The following CADM2 variants were observed in gnomAD, a reference collection of about 807,000 sequenced individuals.
The protein encoded by CADM2 is immunoglobulin superfamily member 4D.
Under a neutral mutation model 49.8 loss-of-function variants are expected in CADM2, and 12 were observed. That is an observed-to-expected ratio of 0.24 (90% CI 0.15 to 0.39). CADM2 has a LOEUF of 0.39. Ranked by LOEUF, CADM2 falls within the 10% of genes least tolerant of loss-of-function variation. CADM2 has a pLI of 1.00. For synonymous variants in CADM2, 214 were observed against 175.4 expected, an observed-to-expected ratio of 1.22 and a Z score of -1.74; for missense variants, 378 against 492.3, an observed-to-expected ratio of 0.77 and a Z score of 2.20.
intron 1 of CADM2, among the ~76,000 whole-genome samples, chr3:85,451,348 C>T (rs899554249): frequency 6.6e-6 from 1 of 152,026 alleles, no homozygotes; most frequent in Non-Finnish European, 1.5e-5. Flanking sequence ...TTACTTATCA[C>T]ATTAATAATA....
chr3:85,316,549 G>A (rs2044468719), intron 1 of CADM2, among the ~76,000 whole-genome samples: 1 of 152,026 alleles, frequency 6.6e-6, no homozygotes, highest in African/African-American at 2.4e-5. Context: ...AATAGGTTTT[G>A]CCTTTTGTTG....
chr3:85,280,132 C>T (rs1210645367), intron 1 of CADM2, among the ~76,000 whole-genome samples: 1 of 151,630 alleles, frequency 6.6e-6, no homozygotes, highest in Non-Finnish European at 1.5e-5. Flanking sequence ...AAGCTGATAA[C>T]AACTTAACTT....
intron 1 of CADM2, among the ~76,000 whole-genome samples, chr3:85,029,350 A>G (rs1195552629): frequency 6.6e-6 from 1 of 152,100 alleles, no homozygotes; most frequent in Non-Finnish European, 1.5e-5. Context: ...TAAGTGTGAA[A>G]AAATGGTCTT....
chr3:85,311,025 A>C (rs898633076), intron 1 of CADM2, among the ~76,000 whole-genome samples: 1 of 152,222 alleles, frequency 6.6e-6, no homozygotes, highest in Non-Finnish European at 1.5e-5. Context: ...GCCAGACATC[A>C]GGCAGAGCTG....
intron 1 of CADM2, among the ~76,000 whole-genome samples, chr3:85,249,229 A>G (rs1676633822): frequency 6.6e-6 from 1 of 152,092 alleles, no homozygotes; most frequent in Admixed American, 6.6e-5. Flanking sequence ...TGTGACTTGT[A>G]TTTAGACCAG....
intron 2 of CADM2, among the ~76,000 whole-genome samples, chr3:85,782,498 A>G (rs571210729): frequency 3.9e-5 from 6 of 151,930 alleles, no homozygotes; most frequent in Admixed American, 3.9e-4. Context: ...AACACAGTGA[A>G]ACCCCATCTC....
intron 1 of CADM2, among the ~76,000 whole-genome samples, chr3:84,982,345 A>C (rs1017605807): frequency 1.3e-5 from 2 of 152,166 alleles, no homozygotes; most frequent in African/African-American, 4.8e-5. Context: ...CCTATAAATT[A>C]AAAGTAGTAT....
intron 1 of CADM2, among the ~76,000 whole-genome samples, chr3:85,482,675 A>T (rs567467888): frequency 1.3e-5 from 2 of 151,652 alleles, no homozygotes; most frequent in Non-Finnish European, 3.0e-5. Flanking sequence ...TTGACAGAAC[A>T]CCTCCTTAGG....
chr3:86,040,213 A>G (rs928475727), intron 8 of CADM2, among the ~76,000 whole-genome samples: 2 of 152,228 alleles, frequency 1.3e-5, no homozygotes, highest in African/African-American at 4.8e-5. Flanking sequence ...CTCACCAGCA[A>G]CAGAACAAAG....
intron 1 of CADM2, among the ~76,000 whole-genome samples, chr3:85,275,415 T>A (rs1297426471): frequency 1.3e-5 from 2 of 151,488 alleles, no homozygotes; most frequent in Non-Finnish European, 3.0e-5. Flanking sequence ...TGTTTTGAAA[T>A]AAGTGCCCCC....
At chr3:85,627,062 G>T (rs2064150013) in intron 1 of CADM2, among the ~76,000 whole-genome samples, 2 of 151,954 alleles carry the variant, frequency 1.3e-5, no homozygotes, top group Admixed American at 1.3e-4. Flanking sequence ...TGTCTGCATA[G>T]CTCTTTAGAA....
At chr3:85,146,776 G>T (rs1167496260) in intron 1 of CADM2, among the ~76,000 whole-genome samples, 2 of 152,096 alleles carry the variant, frequency 1.3e-5, no homozygotes, top group African/African-American at 2.4e-5. Context: ...TGAATTTAAT[G>T]CATTATTTCA....
At chr3:85,496,929 C>A (rs1263413375) in intron 1 of CADM2, among the ~76,000 whole-genome samples, 1 of 152,176 alleles carries the variant, frequency 6.6e-6, no homozygotes, top group East Asian at 1.9e-4. Context: ...CTGCAACCTC[C>A]AACGCCCGGG....
chr3:85,987,998 C>A (rs1486224654), intron 8 of CADM2, among the ~76,000 whole-genome samples: 1 of 152,054 alleles, frequency 6.6e-6, no homozygotes, highest in Non-Finnish European at 1.5e-5. Context: ...CAGTTAATAA[C>A]CTCCTGTATA....
Position 85,247,323 on chromosome 3 carries a change from T to C in CADM2, c.61+287655T>C, listed in dbSNP as rs373946172. Among the ~76,000 whole-genome samples, 5 of 152,128 alleles carry C rather than the reference T, an allele frequency of 3.3e-5. 1 individual carries two copies. In the East Asian group the frequency reaches 9.6e-4, roughly 29 times the overall value. ...ACTCTAACATTAGTGATGAGGAATTTAGTTGCTCAAAGTATGAGAAAAGAT... is the reference window on the plus strand; with the variant it reads ...ACTCTAACATTAGTGATGAGGAATTCAGTTGCTCAAAGTATGAGAAAAGAT... On this transcript the variant is annotated intron_variant, in intron 1 of 9. Coordinates refer to ENST00000383699, the MANE Select transcript of CADM2 (RefSeq NM_001167675.2).
At chr3:85,833,490 TACTGATGCA>T (rs2074272102) in intron 3 of CADM2, among the ~76,000 whole-genome samples, 1 of 151,810 alleles carries the variant, frequency 6.6e-6, no homozygotes, top group East Asian at 1.9e-4. Context: ...GGTTTTTCAT[TACTGATGCA>T]ATTTCAGAAC....
chr3:85,768,474 A>T (rs371474930), intron 2 of CADM2, among the ~76,000 whole-genome samples: 2 of 106,732 alleles, frequency 1.9e-5, no homozygotes, highest in African/African-American at 8.5e-5. Context: ...AATAAATAAT[A>T]AATAAATAAA....
Position 85,281,425 on chromosome 3 carries a change from G to C in CADM2, c.61+321757G>C, listed in dbSNP as rs187437602. ...ATTCTGGAGGTTATACGTTTAAAAG[G>C]CCAATTTACAATATTTTTGAGTAGA... On this transcript the variant is annotated intron_variant, in intron 1 of 9. Coordinates refer to ENST00000383699, the MANE Select transcript of CADM2 (RefSeq NM_001167675.2). Among the ~76,000 whole-genome samples the C allele has an allele frequency of 1.2e-3, 181 of 151,954 alleles. 1 individual carries two copies. The highest frequency in any genetic ancestry group is 3.4e-3 in the Middle Eastern group (1 of 290).
intron 2 of CADM2, among the ~76,000 whole-genome samples, chr3:85,781,810 C>T (rs2070664972): frequency 6.6e-6 from 1 of 152,122 alleles, no homozygotes; most frequent in Non-Finnish European, 1.5e-5. Context: ...TAAGTAATAC[C>T]CACAGAATCC....
Sources: allele counts gnomAD v4.1 joint callset (sites outside exome capture counted in the v4.1 genomes callset), GRCh38; gene constraint gnomAD v4.1.1; transcripts MANE v1.5; gene names NCBI Gene and HGNC (gene_info 2026-07-23, HGNC 2026-07-21).